Variants in NID2 observed in about 807,000 individuals in gnomAD.
The protein encoded by NID2 is nidogen-2.
NID2 carries 83 observed loss-of-function variants against 145.4 expected under a neutral mutation model. That is an observed-to-expected ratio of 0.57 (90% CI 0.48 to 0.69). The LOEUF is 0.69. Ranked by LOEUF, NID2 falls within the 30% of genes least tolerant of loss-of-function variation. NID2 has a pLI of 0.00. For synonymous variants in NID2, 739 were observed against 701.3 expected, an observed-to-expected ratio of 1.05 and a Z score of -0.85; for missense variants, 1,807 against 1,765.7, an observed-to-expected ratio of 1.02 and a Z score of -0.42.
chr14:52,040,520 C>A, intron 8 of NID2, 131 bp downstream of exon 8: 1 of 753,290 alleles, frequency 1.3e-6, no homozygotes, highest in Admixed American at 2.1e-5. Flanking sequence ...AGAGTAATAA[C>A]ATAATAGAGC....
At chr14:52,015,646 G>A (rs539457583) in intron 14 of NID2, among the ~76,000 whole-genome samples, 6 of 152,308 alleles carry the variant, frequency 3.9e-5, no homozygotes, top group South Asian at 2.1e-4. Flanking sequence ...TACCTCGGGC[G>A]CCTCTGCTGA....
intron 2 of NID2, 127 bp downstream of exon 2, chr14:52,067,731 C>G (rs1893269965): frequency 1.8e-6 from 2 of 1,107,458 alleles, no homozygotes; most frequent in African/African-American, 1.6e-5. Context: ...AGCCCTGCTG[C>G]CTCCAAGGTC....
intron 3 of NID2, among the ~76,000 whole-genome samples, chr14:52,056,875 A>G (rs1892863567): frequency 6.6e-6 from 1 of 152,232 alleles, no homozygotes; most frequent in Admixed American, 6.5e-5. Context: ...TCCAGAAGAT[A>G]GAAAAGTATG....
chr14:52,035,148 G>T (rs1566758958), intron 9 of NID2, among the ~76,000 whole-genome samples: 1 of 152,008 alleles, frequency 6.6e-6, no homozygotes, highest in Non-Finnish European at 1.5e-5. Context: ...TCTGCAGTAG[G>T]GCTCACTCTT....
Position 52,005,400 on chromosome 14 carries a change from T to G in NID2, c.*86A>C. On this transcript the variant is annotated 3_prime_UTR_variant, in exon 22 of 22. Transcript: ENST00000216286. The stretch of plus-strand genomic sequence containing the variant: ...AGGAACGTCTAATGGCCAATTCCTT[T>G]TTTACTTTCTTTGCCTTTGCAGTCA... 1 of 1,353,466 alleles carries G rather than the reference T, an allele frequency of 7.4e-7. No individual in the cohort carries two copies. The highest frequency in any genetic ancestry group is 9.9e-7 in the Non-Finnish European group (1 of 1,011,208). 83.8% of individuals were successfully genotyped at this position (1,353,466 alleles called of 1,614,324 possible).
chr14:52,035,854 G>GTGTATATATATA (rs1892043194), intron 9 of NID2, among the ~76,000 whole-genome samples: 14 of 36,048 alleles, frequency 3.9e-4, no homozygotes, highest in South Asian at 1.8e-3. Flanking sequence ...AAATTTTTTT[G>GTGTATATATATA]TGTATATATA....
intron 14 of NID2, 27 bp from the exon 15 acceptor site, chr14:52,015,302 G>A (rs1311581960): frequency 6.3e-7 from 1 of 1,583,062 alleles, no homozygotes; most frequent in Non-Finnish European, 8.6e-7. Context: ...GAGGGAAGAA[G>A]AAAAACCTTT....
intron 3 of NID2, among the ~76,000 whole-genome samples, chr14:52,058,604 AGAGACCT>A (rs1301729587): frequency 1.3e-5 from 2 of 152,182 alleles, no homozygotes; most frequent in Admixed American, 1.3e-4. Context: ...GTTAGTTCCA[AGAGACCT>A]TTATGGCTCT....
intron 20 of NID2, chr14:52,006,119 T>G: frequency 2.2e-6 from 1 of 464,690 alleles, no homozygotes; most frequent in South Asian, 2.3e-5. Context: ...CCACAGTTCC[T>G]CATTTGAGAA....
intron 14 of NID2, 117 bp downstream of exon 14, chr14:52,018,944 G>A (rs941471190): frequency 1.4e-6 from 1 of 696,972 alleles, no homozygotes; most frequent in African/African-American, 1.8e-5. Context: ...GTCTTCTCAG[G>A]AGGAAAGAGG....
intron 12 of NID2, among the ~76,000 whole-genome samples, chr14:52,021,135 T>C (rs1212089873): frequency 6.6e-6 from 1 of 151,910 alleles, no homozygotes; most frequent in African/African-American, 2.4e-5. Flanking sequence ...ACAAAGGGTG[T>C]AGGTCCGATT....
intron 3 of NID2, among the ~76,000 whole-genome samples, chr14:52,055,098 T>G (rs1473322533): frequency 1.3e-5 from 2 of 152,198 alleles, no homozygotes; most frequent in African/African-American, 4.8e-5. Context: ...CTGTGCCAAG[T>G]GTTTCACATT....
chr14:52,027,657 C>CACACAT (rs1394024092), intron 11 of NID2, among the ~76,000 whole-genome samples: 1 of 151,454 alleles, frequency 6.6e-6, no homozygotes, highest in Non-Finnish European at 1.5e-5. Flanking sequence ...CACACACACA[C>CACACAT]ACACACACAC....
rs1212583280 is a variant in NID2, at chr14:52,004,924, A to C, written c.*562T>G. 6.3e-6 allele frequency: 1 copy of C among 159,718 alleles called. No homozygotes were observed. Among genetic ancestry groups the C allele is most frequent in the Non-Finnish European group, 1.4e-5 (1 of 73,224 alleles). The allele number at this position is 159,718 out of a possible 1,614,324, so 9.9% of individuals were successfully genotyped here. A position where few individuals can be genotyped will look rare whatever the true frequency, so the allele number is the denominator to read the frequency against. On this transcript the variant is annotated 3_prime_UTR_variant, in exon 22 of 22. Transcript: ENST00000216286. The stretch of plus-strand genomic sequence containing the variant: ...GGTACTTCTATAGAGGCACTACAGG[A>C]TCAGAAAATGCAAATTGAATCATTT...
In NID2 at chr14:52,038,676, C is replaced by A. The variant is rs543920140; in HGVS notation, c.2257+71G>T. On this transcript the variant is annotated intron_variant, in intron 9 of 21. Transcript: ENST00000216286. The stretch of plus-strand genomic sequence containing the variant: ...CATGGCACTAGGTAACCCTTAGTAA[C>A]CTCTGTGAATCATTCTAACTCTACT... The A allele has an allele frequency of 5.6e-6, 7 of 1,242,610 alleles. No individual in the cohort carries two copies. In the African/African-American group the frequency reaches 7.5e-5, roughly 13 times the overall value. 77.0% of individuals were successfully genotyped at this position (1,242,610 alleles called of 1,614,324 possible).
chr14:52,042,108 C>A lies in NID2; in HGVS notation c.1822G>T (p.Ala608Ser), dbSNP rs139940006. Residue 608 changes from alanine (A) to serine (S), a missense_variant, in exon 7 of 22, where the codon GCA becomes TCA. Coordinates refer to ENST00000216286, the MANE Select transcript of NID2 (RefSeq NM_007361.4). Reference sequence around the variant, plus strand: ...CCTTCTCAGAGGCCCTACTCACCTGCGAGGCTGAAGCCGTTCTCAGAGCCA... The same window carrying A: ...CCTTCTCAGAGGCCCTACTCACCTGAGAGGCTGAAGCCGTTCTCAGAGCCA... The part of the protein sequence containing the change: ...KPGSENGFSL[A>S]GAAFTHDMEV... 2.5e-6 allele frequency: 4 copies of A among 1,588,694 alleles called. No homozygotes were observed. Among genetic ancestry groups the A allele is most frequent in the Admixed American group, 1.7e-5 (1 of 58,354 alleles).
chr14:52,053,519 C>A, intron 5 of NID2, 60 bp downstream of exon 5: 4 of 1,534,124 alleles, frequency 2.6e-6, no homozygotes, highest in Non-Finnish European at 2.6e-6. Flanking sequence ...AATCACAACG[C>A]TATGCAAAAC....
At chr14:52,007,326 A>G (rs1288542180) in intron 19 of NID2, 4 of 164,584 alleles carry the variant, frequency 2.4e-5, no homozygotes, top group East Asian at 1.9e-4. Context: ...ATTCTTTAGT[A>G]TAGAACTAGA....
chr14:52,053,548 AC>A (rs1252461620), intron 5 of NID2, 30 bp downstream of exon 5: 1 of 1,583,996 alleles, frequency 6.3e-7, no homozygotes, highest in Non-Finnish European at 8.6e-7. Context: ...TTAAGATGAA[AC>A]CTTAGCACCC....
Sources: allele counts gnomAD v4.1 joint callset (sites outside exome capture counted in the v4.1 genomes callset), GRCh38; gene constraint gnomAD v4.1.1; transcripts MANE v1.5; gene names NCBI Gene and HGNC (gene_info 2026-07-23, HGNC 2026-07-21).